Variants in RIC8B observed in about 807,000 individuals in gnomAD.
The protein encoded by RIC8B is RIC8 guanine nucleotide exchange factor B.
Under a neutral mutation model 57.5 loss-of-function variants are expected in RIC8B, and 16 were observed. The ratio of observed to expected loss-of-function variants is 0.28; its 90% confidence interval spans 0.19 to 0.42. The LOEUF (loss-of-function observed/expected upper bound fraction) is 0.42, where lower values mean the gene tolerates loss of function less well. Ranked by LOEUF, RIC8B falls within the 10% of genes least tolerant of loss-of-function variation. RIC8B has a pLI of 1.00. For missense variants in RIC8B, 481 were observed against 677.0 expected, an observed-to-expected ratio of 0.71 and a Z score of 3.21; for synonymous variants, 216 against 250.8, an observed-to-expected ratio of 0.86 and a Z score of 1.31.
chr12:106,784,195 T>A (rs957066824), intron 2 of RIC8B, 151 bp downstream of exon 2: 1 of 714,430 alleles, frequency 1.4e-6, no homozygotes, highest in Non-Finnish European at 2.4e-6. Flanking sequence ...GAAGAAAGGT[T>A]AGGTTAGGTT....
intron 2 of RIC8B, among the ~76,000 whole-genome samples, chr12:106,811,257 G>A (rs1267677305): frequency 3.9e-5 from 6 of 152,190 alleles, no homozygotes; most frequent in Non-Finnish European, 7.3e-5. Context: ...GTGTTCGTCT[G>A]GTCAGGTATT....
chr12:106,790,385 T>G (rs2044216282), intron 2 of RIC8B, among the ~76,000 whole-genome samples: 1 of 152,228 alleles, frequency 6.6e-6, no homozygotes, highest in South Asian at 2.1e-4. Flanking sequence ...TACATTTTTC[T>G]AGAGAAGTAA....
At position 106,837,415 on chromosome 12, in the gene RIC8B, C is replaced by T. The variant is rs549684887; in HGVS notation, c.837-5174C>T. ...CTAGTTTACCCTCATGGGTTATTCCCCCAGAGCACTTATCACCTTCTAGCA... is the reference window on the plus strand; with the variant it reads ...CTAGTTTACCCTCATGGGTTATTCCTCCAGAGCACTTATCACCTTCTAGCA... On this transcript the variant is annotated intron_variant, in intron 4 of 9. Coordinates refer to ENST00000392837, the MANE Select transcript of RIC8B (RefSeq NM_001330145.2). Among the ~76,000 whole-genome samples, 4 of 151,924 alleles carry T rather than the reference C, an allele frequency of 2.6e-5. No individual in the cohort carries two copies. In the East Asian group the frequency reaches 5.8e-4, roughly 22 times the overall value.
chr12:106,805,518 C>A (rs536840505), intron 2 of RIC8B, among the ~76,000 whole-genome samples: 3 of 152,152 alleles, frequency 2.0e-5, no homozygotes, highest in East Asian at 3.9e-4. Context: ...ACAAAAAAAA[C>A]CCTGTAATTT....
At chr12:106,840,704 G>T (rs1295654865) in intron 4 of RIC8B, among the ~76,000 whole-genome samples, 1 of 152,168 alleles carries the variant, frequency 6.6e-6, no homozygotes, top group Non-Finnish European at 1.5e-5. Context: ...CCAAATATTT[G>T]TTGAATCAAA....
intron 7 of RIC8B, among the ~76,000 whole-genome samples, chr12:106,855,903 A>G (rs894548764): frequency 1.3e-5 from 2 of 152,128 alleles, no homozygotes; most frequent in African/African-American, 2.4e-5. Flanking sequence ...TCTCACTGGT[A>G]TCTCAAACTC....
chr12:106,880,631 C>T (rs1255422752), intron 9 of RIC8B, among the ~76,000 whole-genome samples: 1 of 152,086 alleles, frequency 6.6e-6, no homozygotes, highest in Non-Finnish European at 1.5e-5. Context: ...TTGACTTCTG[C>T]TGAACTGTCA....
chr12:106,874,539 A>G, intron 9 of RIC8B: 5 of 1,551,280 alleles, frequency 3.2e-6, no homozygotes, highest in African/African-American at 1.4e-5. Context: ...GCCCGTGCCA[A>G]AGCACTTACC....
At chr12:106,783,698 T>A (rs1027668537) in intron 1 of RIC8B, among the ~76,000 whole-genome samples, 5 of 152,250 alleles carry the variant, frequency 3.3e-5, no homozygotes, top group African/African-American at 1.2e-4. Context: ...GGCAAACTCC[T>A]GTTTATCCCT....
intron 2 of RIC8B, among the ~76,000 whole-genome samples, chr12:106,808,988 A>G (rs1037285581): frequency 6.6e-6 from 1 of 152,210 alleles, no homozygotes; most frequent in Admixed American, 6.5e-5. Context: ...GAGTGAAAAA[A>G]AAGCCTACTA....
chr12:106,882,619 G>A (rs768450459), intron 9 of RIC8B, among the ~76,000 whole-genome samples: 1 of 152,110 alleles, frequency 6.6e-6, no homozygotes, highest in Non-Finnish European at 1.5e-5. Context: ...GTAAGTGGAG[G>A]AGAACCAGGA....
At chr12:106,776,028 A>C (rs1027790051) in intron 1 of RIC8B, among the ~76,000 whole-genome samples, 1 of 152,132 alleles carries the variant, frequency 6.6e-6, no homozygotes, top group Admixed American at 6.5e-5. Context: ...TAATCTTCCC[A>C]ACAACCCTGG....
At chr12:106,828,433 A>T (rs1412921965) in intron 4 of RIC8B, among the ~76,000 whole-genome samples, 1 of 152,198 alleles carries the variant, frequency 6.6e-6, no homozygotes, top group Non-Finnish European at 1.5e-5. Context: ...AAGCATAAAA[A>T]TTTTTTTAAA....
In RIC8B at chr12:106,887,835, T is replaced by C. The variant is rs1241694456; in HGVS notation, c.*1820T>C. 1 of 152,248 alleles carries C rather than the reference T, an allele frequency of 6.6e-6. No individual in the cohort carries two copies. The highest frequency in any genetic ancestry group is 1.5e-5 in the Non-Finnish European group (1 of 68,036). 9.4% of individuals were successfully genotyped at this position (152,248 alleles called of 1,614,324 possible). A position where few individuals can be genotyped will look rare whatever the true frequency, so the allele number is the denominator to read the frequency against. On this transcript the variant is annotated 3_prime_UTR_variant, in exon 10 of 10. Coordinates refer to ENST00000392837, the MANE Select transcript of RIC8B (RefSeq NM_001330145.2). ...ACAACAGTATGGCCCGTAGACTACT[T>C]CCTATAATGGTGACCCTGAGTTTTT... is the stretch of plus-strand genomic sequence containing the variant.
intron 8 of RIC8B, 109 bp from the exon 9 acceptor site, chr12:106,870,714 T>C (rs1950366104): frequency 2.5e-6 from 2 of 809,774 alleles, no homozygotes; most frequent in South Asian, 7.5e-5. Context: ...TTATTGCCAA[T>C]TTTTTGGCTA....
chr12:106,802,447 G>T (rs547942283), intron 2 of RIC8B, among the ~76,000 whole-genome samples: 1 of 151,818 alleles, frequency 6.6e-6, no homozygotes, highest in South Asian at 2.1e-4. Flanking sequence ...AGGGAAGGAG[G>T]AGTCTATTCT....
chr12:106,860,200 G>T, intron 7 of RIC8B, 68 bp from the exon 8 acceptor site: 2 of 1,301,924 alleles, frequency 1.5e-6, no homozygotes, highest in Non-Finnish European at 2.1e-6. Context: ...TTCTTGTGTT[G>T]GTGAGTGGTT....
chr12:106,876,905 ATTTAT>A (rs1397637647), intron 9 of RIC8B, among the ~76,000 whole-genome samples: 1 of 152,154 alleles, frequency 6.6e-6, no homozygotes, highest in Non-Finnish European at 1.5e-5. Flanking sequence ...ACCTATTAAT[ATTTAT>A]TTTGTTAATT....
intron 9 of RIC8B, among the ~76,000 whole-genome samples, chr12:106,884,511 A>C (rs1203852665): frequency 1.3e-5 from 2 of 152,162 alleles, no homozygotes; most frequent in Admixed American, 6.5e-5. Flanking sequence ...TTATTAAAGA[A>C]GGGGGTTGGA....
Sources: allele counts gnomAD v4.1 joint callset (sites outside exome capture counted in the v4.1 genomes callset), GRCh38; gene constraint gnomAD v4.1.1; transcripts MANE v1.5; gene names NCBI Gene and HGNC (gene_info 2026-07-23, HGNC 2026-07-21).